Variants in RHOD observed in about 807,000 individuals in gnomAD.
The protein encoded by RHOD is ras homolog family member D.
In RHOD, 11 loss-of-function variants were observed where a neutral mutation model predicts 16.7. That is an observed-to-expected ratio of 0.66 (90% CI 0.41 to 1.09). The LOEUF (loss-of-function observed/expected upper bound fraction) is 1.09. Among genes scored for constraint, RHOD ranks in the 50% least tolerant of loss-of-function variants. The probability of loss-of-function intolerance (pLI) is 0.00; values close to 1 mark genes in which losing one functional copy is unlikely to be tolerated. For missense variants in RHOD, 271 were observed against 291.7 expected (o/e 0.93, Z 0.52); for synonymous variants, 124 against 126.3 (o/e 0.98, Z 0.12).
chr11:67,065,250 A>G (rs560591813), intron 1 of RHOD, among the ~76,000 whole-genome samples: 1 of 152,108 alleles, frequency 6.6e-6, no homozygotes, highest in Admixed American at 6.5e-5. Context: ...TAATTTTTGT[A>G]TTTTTAGTAG....
At chr11:67,070,394 G>GC in intron 3 of RHOD, 31 bp from the exon 4 acceptor site, 1 of 1,610,546 alleles carries the variant, frequency 6.2e-7, no homozygotes, top group Non-Finnish European at 8.5e-7. Flanking sequence ...GCTCACACAT[G>GC]CCCCCCACAT....
At position 67,071,461 on chromosome 11, in the gene RHOD, C is replaced by T. The variant is rs1440514690; in HGVS notation, c.492C>T (p.Gly164=). 1.2e-6 allele frequency: 2 copies of T among 1,600,284 alleles called. No homozygotes were observed. Among genetic ancestry groups the T allele is most frequent in the Non-Finnish European group, 8.5e-7 (1 of 1,174,178 alleles). ...HRGQEMARSV[G]AVAYLECSAR... ...GCCAGGAGATGGCGAGGTCCGTGGG[C>T]GCGGTGGCCTACCTCGAGTGCTCGG... is the stretch of plus-strand genomic sequence containing the variant. The change falls in exon 5 of 5, where the codon GGC becomes GGT. Residue 164 remains glycine (G), a synonymous_variant. Transcript: ENST00000308831.
chr11:67,066,640 C>T, intron 2 of RHOD, 98 bp from the exon 3 acceptor site: 1 of 852,174 alleles, frequency 1.2e-6, no homozygotes, highest in Non-Finnish European at 2.0e-6. Flanking sequence ...GCCCTGTCCC[C>T]AGAAGCTCCC....
rs749498037 is a variant in RHOD at position 67,066,857 on chromosome 11, G to C, written c.330+10G>C. The C allele has an allele frequency of 6.3e-7, 1 of 1,580,572 alleles. No individual in the cohort carries two copies. On this transcript the variant is annotated intron_variant, in intron 3 of 4. Coordinates refer to ENST00000308831, the MANE Select transcript of RHOD (RefSeq NM_014578.4). ...CAACATCTTTAACCGGGTAGGTACT[G>C]GGGGGCAGGGAGGCATAGCCCCCAT... is the stretch of plus-strand genomic sequence containing the variant.
intron 3 of RHOD, among the ~76,000 whole-genome samples, chr11:67,069,486 G>A (rs1854998381): frequency 6.6e-6 from 1 of 151,730 alleles, no homozygotes; most frequent in African/African-American, 2.4e-5. Flanking sequence ...AGCCTCCAGA[G>A]TAGCTGGGAC....
Position 67,065,965 on chromosome 11 carries a change from CA to C in RHOD, c.203del (p.His68ProfsTer48), listed in dbSNP as rs1854954945. The C allele has an allele frequency of 5.8e-6, 9 of 1,550,938 alleles. No individual in the cohort carries two copies. The highest frequency in any genetic ancestry group is 7.9e-6 in the Non-Finnish European group (9 of 1,135,252). On this transcript the variant is annotated frameshift_variant, in exon 2 of 5. Coordinates refer to ENST00000308831, the MANE Select transcript of RHOD (RefSeq NM_014578.4). LOFTEE classifies it high-confidence loss of function. The part of the protein sequence containing the change: ...LQVKGKPVHL[H>X]IWDTAGQDDY... ...AGTGAAAGGCAAACCTGTGCACCTC[CA>C]CATCTGGGACACAGCAGGTGGGTGT...
intron 3 of RHOD, 118 bp downstream of exon 3, chr11:67,066,965 G>C: frequency 1.3e-6 from 1 of 752,444 alleles, no homozygotes; most frequent in Non-Finnish European, 2.4e-6. Flanking sequence ...ATTGATTCCA[G>C]AGCTTTTGGT....
rs1855034935 is a variant in RHOD, at chr11:67,071,744, C to T, written c.*142C>T. On this transcript the variant is annotated 3_prime_UTR_variant, in exon 5 of 5. Coordinates refer to ENST00000308831, the MANE Select transcript of RHOD (RefSeq NM_014578.4). ...GCGCCACCAAAGCCAGGCCCTGAGGCCTGGGAGTCCTGGACTGAGAAAGGG... is the reference window on the plus strand; with the variant it reads ...GCGCCACCAAAGCCAGGCCCTGAGGTCTGGGAGTCCTGGACTGAGAAAGGG... The T allele has an allele frequency of 1.2e-6, 1 of 829,674 alleles. No individual in the cohort carries two copies. The allele number at this position is 829,674 out of a possible 1,614,324, so 51.4% of individuals were successfully genotyped here.
intron 1 of RHOD, among the ~76,000 whole-genome samples, chr11:67,058,280 A>C (rs982979453): frequency 2.0e-5 from 3 of 152,172 alleles, no homozygotes; most frequent in African/African-American, 7.2e-5. Context: ...GGTTCAAGCG[A>C]TTCTCCCGCC....
chr11:67,061,254 C>T (rs868432613), intron 1 of RHOD, among the ~76,000 whole-genome samples: 1 of 151,982 alleles, frequency 6.6e-6, no homozygotes, highest in East Asian at 1.9e-4. Flanking sequence ...AATCCCTGCT[C>T]TTTGGGAGGC....
Position 67,070,525 on chromosome 11 carries a change from G to A in RHOD, c.431G>A (p.Arg144Gln), listed in dbSNP as rs34270544. 0.013 allele frequency: 20,862 copies of A among 1,614,090 alleles called. 175 individuals carry two copies. The highest frequency in any genetic ancestry group is 0.016 in the Non-Finnish European group (18,612 of 1,180,014). ...GACAAATCACTGGTGAACAAGCTCC[G>A]AAGAAACGGATTGGAGCCTGTGACC... The part of the protein sequence containing the change: ...RKDKSLVNKL[R>Q]RNGLEPVTYH... The change falls in exon 4 of 5, where the codon CGA becomes CAA. Residue 144 changes from arginine (R) to glutamine (Q), a missense_variant. Physicochemically the swap from Arg to Gln is conservative, Grantham distance 43 (BLOSUM62 1). Transcript: ENST00000308831.
rs767073415 is a variant in RHOD, at chr11:67,070,493, G to A, written c.399G>A (p.Leu133=). ...TCGTCGTGGGCTGCAAGACTGACCT[G>A]CGCAAGGACAAATCACTGGTGAACA... The part of the protein sequence containing the change: ...PIIVVGCKTD[L]RKDKSLVNKL... Residue 133 remains leucine, a synonymous_variant, in exon 4 of 5, where the codon CTG becomes CTA. Coordinates refer to ENST00000308831, the MANE Select transcript of RHOD (RefSeq NM_014578.4). 15 of 1,614,070 alleles carry A rather than the reference G, an allele frequency of 9.3e-6. No individual in the cohort carries two copies. The highest frequency in any genetic ancestry group is 1.3e-5 in the Non-Finnish European group (15 of 1,180,030).
intron 1 of RHOD, among the ~76,000 whole-genome samples, chr11:67,059,688 C>G (rs1479575188): frequency 6.6e-6 from 1 of 152,134 alleles, no homozygotes; most frequent in African/African-American, 2.4e-5. Context: ...GGCACATGGC[C>G]CGGCAGTGGC....
intron 2 of RHOD, 29 bp downstream of exon 2, chr11:67,066,012 G>GGGGGC: frequency 3.4e-6 from 2 of 581,434 alleles, no homozygotes; most frequent in Non-Finnish European, 6.8e-6. Flanking sequence ...GGCAGGGTGG[G>GGGGGC]AGGGGCTTCT....
Position 67,071,544 on chromosome 11 carries a change from G to A in RHOD, c.575G>A (p.Ser192Asn). The change falls in exon 5 of 5, where the codon AGC (serine) becomes AAC (asparagine). Residue 192 changes from serine (S) to asparagine (N), a missense_variant. Physicochemically the swap from Ser to Asn is conservative, Grantham distance 46 (BLOSUM62 1). Coordinates refer to ENST00000308831, the MANE Select transcript of RHOD (RefSeq NM_014578.4). ...CAGGAGGCCGCCGAGGTGGCCCTCA[G>A]CAGCCGCGGTCGCAACTTCTGGCGG... ...VFQEAAEVAL[S>N]SRGRNFWRRI... 1.2e-6 allele frequency: 2 copies of A among 1,611,952 alleles called. No individual in the cohort carries two copies. Among genetic ancestry groups the A allele is most frequent in the Middle Eastern group, 1.7e-4 (1 of 6,054 alleles).
chr11:67,064,202 C>T (rs1590670390), intron 1 of RHOD, among the ~76,000 whole-genome samples: 1 of 148,896 alleles, frequency 6.7e-6, no homozygotes, highest in Admixed American at 6.8e-5. Context: ...GTCAGGAGAT[C>T]GAGACCATCC....
At chr11:67,057,336 T>A (rs1854825655) in intron 1 of RHOD, among the ~76,000 whole-genome samples, 1 of 152,208 alleles carries the variant, frequency 6.6e-6, no homozygotes. Flanking sequence ...GCTGAGGGCC[T>A]GAGAGCTTGG....
chr11:67,059,735 C>A (rs965841444), intron 1 of RHOD, among the ~76,000 whole-genome samples: 3 of 152,180 alleles, frequency 2.0e-5, no homozygotes, highest in Non-Finnish European at 2.9e-5. Flanking sequence ...CCCCTCCCGA[C>A]CAGGGCCTTC....
intron 1 of RHOD, among the ~76,000 whole-genome samples, chr11:67,064,177 C>T (rs1170959790): frequency 1.4e-5 from 2 of 142,060 alleles, no homozygotes; most frequent in African/African-American, 5.3e-5. Context: ...GAGGCCGAGG[C>T]GGGTGGATCA....
Sources: gnomAD v4.1 joint callset for allele counts (sites outside exome capture counted in the v4.1 genomes callset) on GRCh38, gnomAD v4.1.1 for gene constraint, MANE v1.5 for transcripts, NCBI Gene and HGNC (gene_info 2026-07-23, HGNC 2026-07-21) for gene names.